Variants in DEK observed in about 807,000 individuals in gnomAD.
The protein encoded by DEK is DEK proto-oncogene.
DEK carries 28 observed loss-of-function variants against 46.8 expected under a neutral mutation model. The ratio of observed to expected loss-of-function variants is 0.60; its 90% CI spans 0.44 to 0.82. The LOEUF is 0.82. DEK is among the 40% of genes least tolerant of loss of function. The probability of loss-of-function intolerance (pLI) is 0.00; values close to 1 mark genes in which losing one functional copy is unlikely to be tolerated. For missense variants in DEK, 416 were observed against 430.6 expected (o/e 0.97, Z 0.30); for synonymous variants, 160 against 144.5 (o/e 1.11, Z -0.77).
intron 6 of DEK, among the ~76,000 whole-genome samples, chr6:18,253,426 A>G (rs1196773571): frequency 6.6e-6 from 1 of 152,162 alleles, no homozygotes; most frequent in East Asian, 1.9e-4. Context: ...TGATGAGATG[A>G]TATTTATATT....
At chr6:18,229,988 G>A (rs1790336141) in intron 9 of DEK, among the ~76,000 whole-genome samples, 2 of 152,164 alleles carry the variant, frequency 1.3e-5, no homozygotes, top group African/African-American at 4.8e-5. Context: ...GAAAGGTCGG[G>A]TTACCCACAA....
At chr6:18,231,982 C>T (rs530385768) in intron 9 of DEK, among the ~76,000 whole-genome samples, 2 of 152,220 alleles carry the variant, frequency 1.3e-5, no homozygotes, top group Admixed American at 6.5e-5. Flanking sequence ...ACTGGCAAAC[C>T]GAATCCAGCA....
intron 7 of DEK, among the ~76,000 whole-genome samples, chr6:18,243,948 C>G (rs1379492098): frequency 6.6e-6 from 1 of 152,158 alleles, no homozygotes; most frequent in African/African-American, 2.4e-5. Context: ...GCCTGGGCAA[C>G]AGAGTAAGAC....
chr6:18,251,099 A>G (rs1791357394), intron 6 of DEK, among the ~76,000 whole-genome samples: 1 of 152,232 alleles, frequency 6.6e-6, no homozygotes, highest in Non-Finnish European at 1.5e-5. Context: ...GTTTTGCTAA[A>G]TTCTAAAATT....
intron 10 of DEK, 188 bp from the exon 11 acceptor site, chr6:18,225,918 G>T: frequency 1.4e-6 from 1 of 731,416 alleles, no homozygotes. Flanking sequence ...TGAGAGCAAC[G>T]TTGAGATGCC....
At chr6:18,255,899 A>C in intron 5 of DEK, 48 bp from the exon 6 acceptor site, 3 of 1,564,296 alleles carry the variant, frequency 1.9e-6, no homozygotes, top group Non-Finnish European at 2.6e-6. Flanking sequence ...AGGAAAGCTT[A>C]CATATGTTCT....
intron 5 of DEK, 103 bp from the exon 6 acceptor site, chr6:18,255,954 C>A: frequency 4.5e-6 from 6 of 1,335,682 alleles, no homozygotes; most frequent in Non-Finnish European, 5.9e-6. Context: ...CAGTTACATA[C>A]ATTTAAAAAA....
intron 6 of DEK, among the ~76,000 whole-genome samples, chr6:18,254,926 G>T (rs1032636190): frequency 2.6e-5 from 4 of 152,132 alleles, no homozygotes; most frequent in Non-Finnish European, 5.9e-5. Flanking sequence ...ACCAAGGGCG[G>T]ACGAAAACGA....
intron 7 of DEK, among the ~76,000 whole-genome samples, chr6:18,246,051 G>A (rs1168896223): frequency 2.6e-5 from 4 of 152,224 alleles, no homozygotes; most frequent in Non-Finnish European, 5.9e-5. Context: ...GGAACTGTGA[G>A]TCAACTAAAC....
chr6:18,237,183 C>CTA (rs1198216276), intron 8 of DEK, 198 bp downstream of exon 8: 192 of 480,804 alleles, frequency 4.0e-4, no homozygotes, highest in South Asian at 1.4e-3. Context: ...CTGTCTCTCT[C>CTA]TCTATATATA....
chr6:18,231,388 C>G (rs549691047), intron 9 of DEK, among the ~76,000 whole-genome samples: 1 of 151,888 alleles, frequency 6.6e-6, no homozygotes. Flanking sequence ...CTGAAGGAGA[C>G]ACAGACACAA....
At chr6:18,259,380 G>A (rs568226582) in intron 2 of DEK, among the ~76,000 whole-genome samples, 43 of 84,236 alleles carry the variant, frequency 5.1e-4, no homozygotes, top group African/African-American at 1.8e-3. Flanking sequence ...GGGCGACACA[G>A]CAAGACTCCG....
intron 2 of DEK, 149 bp downstream of exon 2, chr6:18,263,694 G>T: frequency 6.5e-7 from 1 of 1,534,780 alleles, no homozygotes. Context: ...CAAAACAAAA[G>T]CAGATAAATT....
chr6:18,244,834 C>T (rs1012322638), intron 7 of DEK, among the ~76,000 whole-genome samples: 8 of 152,160 alleles, frequency 5.3e-5, no homozygotes, highest in Admixed American at 1.3e-4. Flanking sequence ...CTCTGATCAA[C>T]GTGTGAGAGG....
intron 8 of DEK, 43 bp from the exon 9 acceptor site, chr6:18,236,643 T>G: frequency 1.6e-6 from 2 of 1,262,778 alleles, no homozygotes; most frequent in Non-Finnish European, 2.1e-6. Flanking sequence ...ACATAGTAAA[T>G]TAACATTTAA....
Position 18,226,171 on chromosome 6 carries a change from T to TA in DEK, c.1116+2dup. On this transcript the variant is annotated splice_region_variant and intron_variant, in intron 10 of 10. Coordinates refer to ENST00000652689, the MANE Select transcript of DEK (RefSeq NM_003472.4). ...GTCAAACTTGAAAGACTGAAATATT[T>TA]ACCTCTTTTACAGTTGTTTTTATGA... 7.6e-7 allele frequency: 1 copy of TA among 1,312,146 alleles called. No homozygotes were observed. The highest frequency in any genetic ancestry group is 1.0e-6 in the Non-Finnish European group (1 of 985,344). 81.3% of individuals were successfully genotyped at this position (1,312,146 alleles called of 1,614,324 possible).
intron 8 of DEK, chr6:18,236,965 G>C (rs1790678710): frequency 5.1e-6 from 1 of 194,898 alleles, no homozygotes; most frequent in South Asian, 1.3e-4. Flanking sequence ...AGTGGTCCAA[G>C]CCTGTAAACC....
intron 7 of DEK, among the ~76,000 whole-genome samples, chr6:18,245,689 C>T (rs1791085130): frequency 6.6e-6 from 1 of 152,208 alleles, no homozygotes; most frequent in Non-Finnish European, 1.5e-5. Flanking sequence ...GCAGTAATTT[C>T]TCTATGCCTC....
chr6:18,254,924 C>T (rs3798300), intron 6 of DEK, among the ~76,000 whole-genome samples: 1 of 152,248 alleles, frequency 6.6e-6, no homozygotes, highest in East Asian at 1.9e-4. Flanking sequence ...GGACCAAGGG[C>T]GGACGAAAAC....
Sources: allele counts gnomAD v4.1 joint callset (sites outside exome capture counted in the v4.1 genomes callset), GRCh38; gene constraint gnomAD v4.1.1; transcripts MANE v1.5; gene names NCBI Gene and HGNC (gene_info 2026-07-23, HGNC 2026-07-21).